The following HSD17B2 variants were observed in gnomAD, a reference collection of about 807,000 sequenced individuals.
The protein encoded by HSD17B2 is 17-beta-hydroxysteroid dehydrogenase type 2.
HSD17B2 carries 32 observed loss-of-function variants against 26.9 expected under a neutral mutation model. That is an observed-to-expected ratio of 1.19 (90% CI 0.90 to 1.60). The LOEUF (loss-of-function observed/expected upper bound fraction) is 1.60, where lower values mean the gene tolerates loss of function less well. Among genes scored for constraint, HSD17B2 ranks in the 40% most tolerant of loss-of-function variants. HSD17B2 has a pLI of 0.00. For missense variants in HSD17B2, 613 were observed against 468.6 expected (o/e 1.31, Z -2.85); for synonymous variants, 246 against 186.7 (o/e 1.32, Z -2.59).
At chr16:82,061,776 G>C (rs894769726) in intron 1 of HSD17B2, among the ~76,000 whole-genome samples, 1 of 152,212 alleles carries the variant, frequency 6.6e-6, no homozygotes, top group Non-Finnish European at 1.5e-5. Flanking sequence ...ATTGATCTCA[G>C]TATTGACTGT....
At chr16:82,083,433 G>T (rs1346214138) in intron 3 of HSD17B2, among the ~76,000 whole-genome samples, 1 of 152,172 alleles carries the variant, frequency 6.6e-6, no homozygotes. Flanking sequence ...ACAACTGCGT[G>T]ACCTTGGGAA....
intron 1 of HSD17B2, among the ~76,000 whole-genome samples, chr16:82,041,114 C>A (rs7192075): frequency 0.079 from 12,012 of 152,156 alleles, 1,615 homozygotes; most frequent in African/African-American, 0.27. Flanking sequence ...AGTGTTTTGA[C>A]TGGGGAGTAT....
intron 1 of HSD17B2, among the ~76,000 whole-genome samples, chr16:82,041,009 C>A (rs1913751412): frequency 6.6e-6 from 1 of 152,148 alleles, no homozygotes; most frequent in Non-Finnish European, 1.5e-5. Flanking sequence ...TTAAGTTTTA[C>A]CTTTACCTAC....
At chr16:82,042,561 G>A (rs1432808450) in intron 1 of HSD17B2, among the ~76,000 whole-genome samples, 3 of 152,160 alleles carry the variant, frequency 2.0e-5, no homozygotes, top group Non-Finnish European at 4.4e-5. Flanking sequence ...CTTTGTGTGT[G>A]AAATCTCCCA....
intron 1 of HSD17B2, among the ~76,000 whole-genome samples, chr16:82,048,350 C>T (rs1427220967): frequency 6.6e-6 from 1 of 152,142 alleles, no homozygotes; most frequent in Non-Finnish European, 1.5e-5. Context: ...GAGCTGATAG[C>T]TCTGCTTTCA....
chr16:82,048,770 T>A (rs1914016553), intron 1 of HSD17B2, among the ~76,000 whole-genome samples: 2 of 152,200 alleles, frequency 1.3e-5, no homozygotes, highest in South Asian at 4.1e-4. Context: ...ATATAGGAAA[T>A]CTTCAATTGT....
At chr16:82,091,770 C>G (rs1904701875) in intron 4 of HSD17B2, 1 of 152,432 alleles carries the variant, frequency 6.6e-6, no homozygotes, top group African/African-American at 2.4e-5. Context: ...TCAGTGTCCA[C>G]CCAGCAGGGC....
At chr16:82,075,470 G>A (rs1387533951) in intron 3 of HSD17B2, among the ~76,000 whole-genome samples, 1 of 151,924 alleles carries the variant, frequency 6.6e-6, no homozygotes, top group Non-Finnish European at 1.5e-5. Context: ...CTAAGAACAA[G>A]ACTAAGAACA....
intron 1 of HSD17B2, among the ~76,000 whole-genome samples, chr16:82,061,739 G>A (rs562310377): frequency 2.4e-4 from 36 of 152,202 alleles, no homozygotes; most frequent in Non-Finnish European, 4.4e-5. Context: ...ATGCAATATG[G>A]TGAGATTATG....
intron 4 of HSD17B2, chr16:82,093,059 T>C (rs189927790): frequency 6.6e-6 from 1 of 150,534 alleles, no homozygotes; most frequent in South Asian, 2.1e-4. Flanking sequence ...TCTTTACTGA[T>C]GTTGATCTTA....
chr16:82,080,450 G>A (rs1904348869), intron 3 of HSD17B2, among the ~76,000 whole-genome samples: 2 of 152,150 alleles, frequency 1.3e-5, no homozygotes, highest in African/African-American at 4.8e-5. Flanking sequence ...GAAGATAGAG[G>A]AAGGGGCCAG....
chr16:82,092,073 A>G (rs1221219068), intron 4 of HSD17B2: 1 of 152,184 alleles, frequency 6.6e-6, no homozygotes, highest in Non-Finnish European at 1.5e-5. Flanking sequence ...CTGTTTAACA[A>G]TGTATAATCC....
rs1050322697 is a variant in HSD17B2 at position 82,090,891 on chromosome 16, T to G, written c.665-11T>G. On this transcript the variant is annotated splice_polypyrimidine_tract_variant and intron_variant, in intron 3 of 4. Coordinates refer to ENST00000199936, the MANE Select transcript of HSD17B2 (RefSeq NM_002153.3). ...CTAACTTTGCTTCTTTTTCTCCCAT[T>G]ATTCCCATAGGAGGGGCCCCAATGG... 6.3e-7 allele frequency: 1 copy of G among 1,598,338 alleles called. No individual in the cohort carries two copies. Among genetic ancestry groups the G allele is most frequent in the Non-Finnish European group, 8.5e-7 (1 of 1,174,028 alleles).
chr16:82,090,938 C>T lies in HSD17B2; in HGVS notation c.701C>T (p.Ser234Leu). ...APMERLASYG[S>L]SKAAVTMFSS... ...ATGGAAAGGCTGGCATCTTATGGCT[C>T]ATCAAAGGCGGCTGTGACCATGTTC... Residue 234 changes from serine to leucine, a missense_variant, in exon 4 of 5, where the codon TCA (serine) becomes TTA (leucine). Physicochemically the swap from Ser to Leu is moderately radical, Grantham distance 145 (BLOSUM62 -2). Coordinates refer to ENST00000199936, the MANE Select transcript of HSD17B2 (RefSeq NM_002153.3). 6.2e-7 allele frequency: 1 copy of T among 1,613,964 alleles called. No homozygotes were observed. Among genetic ancestry groups the T allele is most frequent in the Non-Finnish European group, 8.5e-7 (1 of 1,179,882 alleles).
At chr16:82,078,864 G>T (rs1188235974) in intron 3 of HSD17B2, among the ~76,000 whole-genome samples, 1 of 152,208 alleles carries the variant, frequency 6.6e-6, no homozygotes, top group Non-Finnish European at 1.5e-5. Context: ...ATGGTTACCA[G>T]AGGCTGGGAA....
intron 3 of HSD17B2, among the ~76,000 whole-genome samples, chr16:82,077,196 T>C (rs1302419726): frequency 2.0e-5 from 3 of 151,942 alleles, no homozygotes; most frequent in Admixed American, 6.6e-5. Flanking sequence ...CACAAAAGAC[T>C]CAGAAGAGCC....
chr16:82,040,077 C>T (rs971765554), intron 1 of HSD17B2, among the ~76,000 whole-genome samples: 19 of 152,206 alleles, frequency 1.2e-4, no homozygotes, highest in African/African-American at 4.3e-4. Context: ...AGGCTTGCTG[C>T]ATTAGATAAT....
chr16:82,036,823 G>T lies in HSD17B2; in HGVS notation c.265+1134G>T, dbSNP rs139933726. ...ATATCACCTGGAATCATGTATCTGG[G>T]AGTCTGGCTGGATTTTCCACTTTTT... On this transcript the variant is annotated intron_variant, in intron 1 of 4. Coordinates refer to ENST00000199936, the MANE Select transcript of HSD17B2 (RefSeq NM_002153.3). Among the ~76,000 whole-genome samples the T allele has an allele frequency of 4.6e-5, 7 of 152,248 alleles. No individual in the cohort carries two copies. In the East Asian group the frequency reaches 1.4e-3, roughly 29 times the overall value.
intron 1 of HSD17B2, among the ~76,000 whole-genome samples, chr16:82,055,748 G>A (rs969624503): frequency 6.6e-6 from 1 of 152,176 alleles, no homozygotes; most frequent in Non-Finnish European, 1.5e-5. Context: ...TAAGAATGGA[G>A]CAGAAATGAG....
Sources: gnomAD v4.1 joint callset for allele counts (sites outside exome capture counted in the v4.1 genomes callset) on GRCh38, gnomAD v4.1.1 for gene constraint, MANE v1.5 for transcripts, NCBI Gene and HGNC (gene_info 2026-07-23, HGNC 2026-07-21) for gene names.